The following CLDN8 variants were observed in gnomAD, a reference collection of about 807,000 sequenced individuals.
CLDN8 encodes claudin 8.
In CLDN8, 2 loss-of-function variants were observed where a neutral mutation model predicts 2.2. That is an observed-to-expected ratio of 0.90 (90% confidence interval 0.37 to 2.82). The LOEUF (loss-of-function observed/expected upper bound fraction) is 2.82, where lower values mean the gene tolerates loss of function less well. Ranked by LOEUF, CLDN8 falls within the 30% of genes most tolerant of loss-of-function variation. The pLI is 0.10. For missense variants in CLDN8, 314 were observed against 280.5 expected, an observed-to-expected ratio of 1.12 and a Z score of -0.85; for synonymous variants, 107 against 104.8, an observed-to-expected ratio of 1.02 and a Z score of -0.13.
chr21:30,215,319 G>A lies in CLDN8; in HGVS notation c.607C>T (p.Arg203Cys), dbSNP rs367879638. The change falls in exon 1 of 1, where the codon CGC becomes TGC. Residue 203 changes from arginine (R) to cysteine (C), a missense_variant. Transcript: ENST00000399899. ...SSYRYSIPSH[R>C]TTQKSYHTGK... Reference sequence around the variant, plus strand: ...GTGTGATAACTTTTTTGGGTTGTGCGATGGGAAGGTATCGAGTATCTGTAG... The same window carrying A: ...GTGTGATAACTTTTTTGGGTTGTGCAATGGGAAGGTATCGAGTATCTGTAG... 3 of 1,614,012 alleles carry A rather than the reference G, an allele frequency of 1.9e-6. No individual in the cohort carries two copies. The highest frequency in any genetic ancestry group is 2.7e-5 in the African/African-American group (2 of 74,900).
chr21:30,215,720 G>T lies in CLDN8; in HGVS notation c.206C>A (p.Ser69Tyr). 1.2e-6 allele frequency: 2 copies of T among 1,614,026 alleles called. No homozygotes were observed. The highest frequency in any genetic ancestry group is 1.7e-6 in the Non-Finnish European group (2 of 1,179,998). ...TAGGTCCGGAGAAAGAGCCAGCAGG[G>T]AATCATAGATTTTGCACTGCATCCT... ...NIRMQCKIYD[S>Y]LLALSPDLQA... The change falls in exon 1 of 1, where the codon TCC (serine) becomes TAC (tyrosine). Residue 69 changes from serine to tyrosine, a missense_variant. Transcript: ENST00000399899.
Position 30,215,018 on chromosome 21 carries a change from C to A in CLDN8, c.*230G>T. 1 of 495,240 alleles carries A rather than the reference C, an allele frequency of 2.0e-6. No homozygotes were observed. The highest frequency in any genetic ancestry group is 3.6e-6 in the Non-Finnish European group (1 of 279,286). 30.7% of individuals were successfully genotyped at this position (495,240 alleles called of 1,614,324 possible). A position where few individuals can be genotyped will look rare whatever the true frequency, so the allele number is the denominator to read the frequency against. ...TAAAAAGAGTAGATGCTTGAACCAC[C>A]TTAGAAAACAAATTACTATACTTTC... On this transcript the variant is annotated 3_prime_UTR_variant, in exon 1 of 1. Coordinates refer to ENST00000399899, the MANE Select transcript of CLDN8 (RefSeq NM_199328.3).
rs1978874437 is a variant in CLDN8 at position 30,214,356 on chromosome 21, C to T, written c.*892G>A. On this transcript the variant is annotated 3_prime_UTR_variant, in exon 1 of 1. Transcript: ENST00000399899. ...GCTCTTTTATTTATATTGATGAAAC[C>T]TCAAAGTCTGTACTCAAATACTTAT... 1.3e-5 allele frequency: 2 copies of T among 151,884 alleles called. No homozygotes were observed. Among genetic ancestry groups the T allele is most frequent in the African/African-American group, 4.8e-5 (2 of 41,360 alleles). 9.4% of individuals were successfully genotyped at this position (151,884 alleles called of 1,614,324 possible).
In CLDN8 at chr21:30,215,517, C is replaced by CA. The variant is rs773835736; in HGVS notation, c.408dup (p.Val137CysfsTer14). ...ATGATGGCATTGGCAACCCAGCTCA[C>CA]AGGGATGAGCACCACCATGCCCGTG... is the stretch of plus-strand genomic sequence containing the variant. On this transcript the variant is annotated frameshift_variant, in exon 1 of 1. Coordinates refer to ENST00000399899, the MANE Select transcript of CLDN8 (RefSeq NM_199328.3). LOFTEE classifies it low-confidence loss of function (END_TRUNC). The CA allele has an allele frequency of 1.2e-6, 2 of 1,614,112 alleles. No homozygotes were observed. The highest frequency in any genetic ancestry group is 4.5e-5 in the East Asian group (2 of 44,864).
At position 30,215,649 on chromosome 21, in the gene CLDN8, A is replaced by G; in HGVS notation, c.277T>C (p.Leu93=). ...LMCAASVMSF[L]AFMMAILGMK... ...CCAAGGATGGCCATCATGAAAGCCA[A>G]GAAGGACATCACGGAAGCAGCACAC... Residue 93 remains leucine, a synonymous_variant, in exon 1 of 1, where the codon TTG becomes CTG. Coordinates refer to ENST00000399899, the MANE Select transcript of CLDN8 (RefSeq NM_199328.3). 1 of 1,614,114 alleles carries G rather than the reference A, an allele frequency of 6.2e-7. No individual in the cohort carries two copies. Among genetic ancestry groups the G allele is most frequent in the Non-Finnish European group, 8.5e-7 (1 of 1,180,006 alleles).
In CLDN8 at chr21:30,215,614, G is replaced by A; in HGVS notation, c.312C>T (p.Cys104=). 1.2e-6 allele frequency: 2 copies of A among 1,614,040 alleles called. No individual in the cohort carries two copies. Among genetic ancestry groups the A allele is most frequent in the South Asian group, 1.1e-5 (1 of 91,074 alleles). ...TCTCATTGTCCCCCGTGCACCTGGT[G>A]CATTTCATGCCAAGGATGGCCATCA... is the stretch of plus-strand genomic sequence containing the variant. ...AFMMAILGMK[C]TRCTGDNEKV... Residue 104 remains cysteine, a synonymous_variant, in exon 1 of 1, where the codon TGC becomes TGT. Coordinates refer to ENST00000399899, the MANE Select transcript of CLDN8 (RefSeq NM_199328.3).
At position 30,216,042 on chromosome 21, in the gene CLDN8, C is replaced by G. The variant is rs1056386448; in HGVS notation, c.-117G>C. ...TTTCCTGTAGTAATGAACTCGGAACCCAGTGGTTTTTCAAATAAGAGCTGC... is the reference window on the plus strand; with the variant it reads ...TTTCCTGTAGTAATGAACTCGGAACGCAGTGGTTTTTCAAATAAGAGCTGC... On this transcript the variant is annotated 5_prime_UTR_variant, in exon 1 of 1. Transcript: ENST00000399899. 1 of 932,894 alleles carries G rather than the reference C, an allele frequency of 1.1e-6. No individual in the cohort carries two copies. The highest frequency in any genetic ancestry group is 1.6e-6 in the Non-Finnish European group (1 of 627,438). 57.8% of individuals were successfully genotyped at this position (932,894 alleles called of 1,614,324 possible).
chr21:30,215,499 C>T lies in CLDN8; in HGVS notation c.427G>A (p.Ala143Thr), dbSNP rs761303990. 3.7e-6 allele frequency: 6 copies of T among 1,613,924 alleles called. No individual in the cohort carries two copies. The African/African-American group carries it at 8.0e-5, about 22-fold the overall frequency. The change falls in exon 1 of 1, where the codon GCC (alanine) becomes ACC (threonine). Residue 143 changes from alanine (A) to threonine (T), a missense_variant. Ala to Thr is a moderately conservative substitution (Grantham distance 58). Transcript: ENST00000399899. ...GAGTTATAGAAATCTCTGATGATGG[C>T]ATTGGCAACCCAGCTCACAGGGATG... Reference protein sequence around the residue: ...VLIPVSWVANAIIRDFYNSIV... With the variant: ...VLIPVSWVANTIIRDFYNSIV...
At position 30,215,052 on chromosome 21, in the gene CLDN8, T is replaced by A; in HGVS notation, c.*196A>T. On this transcript the variant is annotated 3_prime_UTR_variant, in exon 1 of 1. Coordinates refer to ENST00000399899, the MANE Select transcript of CLDN8 (RefSeq NM_199328.3). ...CAAATTACTATACTTTCTAGAACAA[T>A]CAAAGCATTGGGTTTAATATCTCAT... The A allele has an allele frequency of 1.8e-6, 1 of 568,750 alleles. No homozygotes were observed. 35.2% of individuals were successfully genotyped at this position (568,750 alleles called of 1,614,324 possible). A position where few individuals can be genotyped will look rare whatever the true frequency, so the allele number is the denominator to read the frequency against.
rs1223529777 is a variant in CLDN8 at position 30,215,904 on chromosome 21, T to C, written c.22A>G (p.Ile8Val). ...ACACCACCAAGAAACAGCCCAGCGA[T>C]TTCTAAGGCATGGGTTGCCATTATC... is the stretch of plus-strand genomic sequence containing the variant. MATHALEIAGLFLGGVGM... is the reference protein window; with the variant it reads MATHALEVAGLFLGGVGM... Residue 8 changes from isoleucine to valine, a missense_variant, in exon 1 of 1, where the codon ATC becomes GTC. Physicochemically the swap from Ile to Val is conservative, Grantham distance 29. Coordinates refer to ENST00000399899, the MANE Select transcript of CLDN8 (RefSeq NM_199328.3). 6.2e-7 allele frequency: 1 copy of C among 1,607,604 alleles called. No homozygotes were observed. Among genetic ancestry groups the C allele is most frequent in the African/African-American group, 1.3e-5 (1 of 74,538 alleles).
At position 30,215,359 on chromosome 21, in the gene CLDN8, G is replaced by C; in HGVS notation, c.567C>G (p.Asn189Lys). Residue 189 changes from asparagine to lysine, a missense_variant, in exon 1 of 1, where the codon AAC (asparagine) becomes AAG (lysine). Asn to Lys is a moderately conservative substitution (Grantham distance 94). Coordinates refer to ENST00000399899, the MANE Select transcript of CLDN8 (RefSeq NM_199328.3). ...AGTATCTGTAGCTACTGCTCTTTTC[G>C]TTGCAACAAAAAACGCAGCAGAACA... Reference protein sequence around the residue: ...GALFCCVFCCNEKSSSYRYSI... With the variant: ...GALFCCVFCCKEKSSSYRYSI... 1.9e-6 allele frequency: 3 copies of C among 1,614,060 alleles called. No individual in the cohort carries two copies. Among genetic ancestry groups the C allele is most frequent in the Non-Finnish European group, 2.5e-6 (3 of 1,179,996 alleles).
rs778089405 is a variant in CLDN8 at position 30,215,292 on chromosome 21, C to T, written c.634G>A (p.Gly212Arg). Residue 212 changes from glycine to arginine, a missense_variant, in exon 1 of 1, where the codon GGA (glycine) becomes AGA (arginine). Coordinates refer to ENST00000399899, the MANE Select transcript of CLDN8 (RefSeq NM_199328.3). ...GAGTAGACGCTCGGTGACTTCTTTC[C>T]GGTGTGATAACTTTTTTGGGTTGTG... ...HRTTQKSYHT[G>R]KKSPSVYSRS... 20 of 1,613,984 alleles carry T rather than the reference C, an allele frequency of 1.2e-5. No individual in the cohort carries two copies. The highest frequency in any genetic ancestry group is 1.1e-4 in the African/African-American group (8 of 74,876).
rs759975493 is a variant in CLDN8, at chr21:30,215,406, C to T, written c.520G>A (p.Val174Met). The T allele has an allele frequency of 6.2e-7, 1 of 1,613,988 alleles. No individual in the cohort carries two copies. Among genetic ancestry groups the T allele is most frequent in the African/African-American group, 1.3e-5 (1 of 74,912 alleles). Residue 174 changes from valine (V) to methionine (M), a missense_variant, in exon 1 of 1, where the codon GTG becomes ATG. Coordinates refer to ENST00000399899, the MANE Select transcript of CLDN8 (RefSeq NM_199328.3). ...AACAGAGCTCCTCCAACAATCAGCA[C>T]CAGTGCCGTGGTCCATCCTAAGTAG... is the stretch of plus-strand genomic sequence containing the variant. Reference protein sequence around the residue: ...ALYLGWTTALVLIVGGALFCC... With the variant: ...ALYLGWTTALMLIVGGALFCC...
Position 30,215,288 on chromosome 21 carries a change from T to C in CLDN8, c.638A>G (p.Lys213Arg), listed in dbSNP as rs748272009. 1.2e-6 allele frequency: 2 copies of C among 1,614,038 alleles called. No individual in the cohort carries two copies. Among genetic ancestry groups the C allele is most frequent in the Admixed American group, 1.7e-5 (1 of 60,024 alleles). ...RTTQKSYHTG[K>R]KSPSVYSRSQ... ...TCTGGAGTAGACGCTCGGTGACTTC[T>C]TTCCGGTGTGATAACTTTTTTGGGT... is the stretch of plus-strand genomic sequence containing the variant. Residue 213 changes from lysine (K) to arginine (R), a missense_variant, in exon 1 of 1, where the codon AAG (lysine) becomes AGG (arginine). Physicochemically the swap from Lys to Arg is conservative, Grantham distance 26 (BLOSUM62 2). Transcript: ENST00000399899.
Position 30,215,389 on chromosome 21 carries a change from T to G in CLDN8, c.537A>C (p.Gly179=). 1 of 1,614,064 alleles carries G rather than the reference T, an allele frequency of 6.2e-7. No individual in the cohort carries two copies. The highest frequency in any genetic ancestry group is 1.7e-5 in the Admixed American group (1 of 60,018). The change falls in exon 1 of 1, where the codon GGA becomes GGC. Residue 179 remains glycine (G), a synonymous_variant. Transcript: ENST00000399899. The part of the protein sequence containing the change: ...WTTALVLIVG[G]ALFCCVFCCN... ...AACAAAAAACGCAGCAGAACAGAGCTCCTCCAACAATCAGCACCAGTGCCG... is the reference window on the plus strand; with the variant it reads ...AACAAAAAACGCAGCAGAACAGAGCGCCTCCAACAATCAGCACCAGTGCCG...
chr21:30,214,367 T>C lies in CLDN8; in HGVS notation c.*881A>G, dbSNP rs1978874947. On this transcript the variant is annotated 3_prime_UTR_variant, in exon 1 of 1. Coordinates refer to ENST00000399899, the MANE Select transcript of CLDN8 (RefSeq NM_199328.3). ...TATATTGATGAAACCTCAAAGTCTG[T>C]ACTCAAATACTTATTAAAATATATC... 1.3e-5 allele frequency: 2 copies of C among 152,162 alleles called. No individual in the cohort carries two copies. The highest frequency in any genetic ancestry group is 4.8e-5 in the African/African-American group (2 of 41,462). The allele number at this position is 152,162 out of a possible 1,614,324, so 9.4% of individuals were successfully genotyped here. A position where few individuals can be genotyped will look rare whatever the true frequency, so the allele number is the denominator to read the frequency against.
In CLDN8 at chr21:30,214,509, T is replaced by C. The variant is rs1323771144; in HGVS notation, c.*739A>G. Reference sequence around the variant, plus strand: ...TTAGATCACACTTTTATCTTTCTTCTGAGTATAGCCCTGGAAAAGCAGTTT... The same window carrying C: ...TTAGATCACACTTTTATCTTTCTTCCGAGTATAGCCCTGGAAAAGCAGTTT... On this transcript the variant is annotated 3_prime_UTR_variant, in exon 1 of 1. Transcript: ENST00000399899. 1 of 152,122 alleles carries C rather than the reference T, an allele frequency of 6.6e-6. No individual in the cohort carries two copies. Among genetic ancestry groups the C allele is most frequent in the Non-Finnish European group, 1.5e-5 (1 of 67,994 alleles). The allele number at this position is 152,122 out of a possible 1,614,324, so 9.4% of individuals were successfully genotyped here. A position where few individuals can be genotyped will look rare whatever the true frequency, so the allele number is the denominator to read the frequency against.
rs529126627 is a variant in CLDN8 at position 30,214,400 on chromosome 21, A to G, written c.*848T>C. 4 of 152,278 alleles carry G rather than the reference A, an allele frequency of 2.6e-5. No homozygotes were observed. The highest frequency in any genetic ancestry group is 1.9e-4 in the East Asian group (1 of 5,190). 9.4% of individuals were successfully genotyped at this position (152,278 alleles called of 1,614,324 possible). A position where few individuals can be genotyped will look rare whatever the true frequency, so the allele number is the denominator to read the frequency against. On this transcript the variant is annotated 3_prime_UTR_variant, in exon 1 of 1. Coordinates refer to ENST00000399899, the MANE Select transcript of CLDN8 (RefSeq NM_199328.3). ...TACTTATTAAAATATATCCATACAT[A>G]TATGATTTCTTGTCAAAATGCATCA... is the stretch of plus-strand genomic sequence containing the variant.
At position 30,214,964 on chromosome 21, in the gene CLDN8, C is replaced by T. The variant is rs1200968408; in HGVS notation, c.*284G>A. The T allele has an allele frequency of 5.4e-6, 2 of 369,810 alleles. No individual in the cohort carries two copies. Among genetic ancestry groups the T allele is most frequent in the African/African-American group, 2.1e-5 (1 of 48,720 alleles). The allele number at this position is 369,810 out of a possible 1,614,324, so 22.9% of individuals were successfully genotyped here. A position where few individuals can be genotyped will look rare whatever the true frequency, so the allele number is the denominator to read the frequency against. ...AATTACAGTAGTAAAATAATGCAGTCTTTAGCAATGTCATTTTGAAGTAAA... is the reference window on the plus strand; with the variant it reads ...AATTACAGTAGTAAAATAATGCAGTTTTTAGCAATGTCATTTTGAAGTAAA... On this transcript the variant is annotated 3_prime_UTR_variant, in exon 1 of 1. Transcript: ENST00000399899.
Sources: gnomAD v4.1 joint callset for allele counts on GRCh38, gnomAD v4.1.1 for gene constraint, MANE v1.5 for transcripts, NCBI Gene and HGNC (gene_info 2026-07-23, HGNC 2026-07-21) for gene names.